RPA3: variants seen among roughly 807,000 people sequenced by gnomAD.
The protein encoded by RPA3 is replication protein A 14 kDa subunit.
Under a neutral mutation model 13.7 loss-of-function variants are expected in RPA3, and 24 were observed. The ratio of observed to expected loss-of-function variants is 1.75; its 90% confidence interval spans 1.27 to 2.46. RPA3 has a LOEUF of 2.46. Ranked by LOEUF, RPA3 falls within the 30% of genes most tolerant of loss-of-function variation. The pLI, the probability that RPA3 is intolerant of heterozygous loss-of-function variation, is 0.00. For missense variants in RPA3, 183 were observed against 151.0 expected (o/e 1.21, Z -1.11); for synonymous variants, 59 against 51.2 (o/e 1.15, Z -0.65).
intron 4 of RPA3, among the ~76,000 whole-genome samples, chr7:7,660,284 G>T (rs1270253743): frequency 6.6e-6 from 1 of 152,134 alleles, no homozygotes; most frequent in Non-Finnish European, 1.5e-5. Flanking sequence ...TTAATTGGGG[G>T]CATTTAGCCC....
At chr7:7,666,182 TTTTTTGTTTG>T (rs779077651) in intron 4 of RPA3, among the ~76,000 whole-genome samples, 6 of 109,162 alleles carry the variant, frequency 5.5e-5, no homozygotes, top group Non-Finnish European at 8.0e-5. Context: ...TGGGAAAGTG[TTTTTTGTTTG>T]TTTGTTTGTT....
chr7:7,683,816 T>C (rs1308522133), intron 4 of RPA3, among the ~76,000 whole-genome samples: 1 of 152,056 alleles, frequency 6.6e-6, no homozygotes, highest in Non-Finnish European at 1.5e-5. Context: ...AGAGACAGGG[T>C]TTCACCATGT....
At chr7:7,666,316 A>G (rs899335332) in intron 4 of RPA3, among the ~76,000 whole-genome samples, 1 of 151,738 alleles carries the variant, frequency 6.6e-6, no homozygotes, top group Admixed American at 6.6e-5. Context: ...CAATCCTCCC[A>G]TTTCAGCCTG....
chr7:7,693,904 C>G (rs961609146), intron 2 of RPA3, among the ~76,000 whole-genome samples: 2 of 152,054 alleles, frequency 1.3e-5, no homozygotes, highest in Non-Finnish European at 1.5e-5. Context: ...TTCATATTAT[C>G]TTAAAATGGC....
At chr7:7,642,501 G>A (rs181899046) in intron 4 of RPA3, among the ~76,000 whole-genome samples, 1 of 151,534 alleles carries the variant, frequency 6.6e-6, no homozygotes, top group African/African-American at 2.4e-5. Flanking sequence ...ACTCCTGTGA[G>A]TACCAGATGT....
At chr7:7,702,518 C>T (rs1780485568) in intron 2 of RPA3, among the ~76,000 whole-genome samples, 1 of 152,138 alleles carries the variant, frequency 6.6e-6, no homozygotes, top group South Asian at 2.1e-4. Context: ...TTCTTTTTCT[C>T]TAATACTTGA....
intron 4 of RPA3, among the ~76,000 whole-genome samples, chr7:7,684,989 T>C (rs569189983): frequency 1.4e-3 from 210 of 152,334 alleles, no homozygotes; most frequent in Non-Finnish European, 2.3e-3. Context: ...GCTTTACTAA[T>C]GCTGTAACTT....
At chr7:7,660,692 C>T (rs1563094552) in intron 4 of RPA3, among the ~76,000 whole-genome samples, 1 of 152,214 alleles carries the variant, frequency 6.6e-6, no homozygotes, top group Non-Finnish European at 1.5e-5. Flanking sequence ...ATGGACTTCC[C>T]TTTGTGGGTA....
intron 2 of RPA3, among the ~76,000 whole-genome samples, chr7:7,702,387 T>C (rs1219256404): frequency 6.6e-6 from 1 of 152,194 alleles, no homozygotes; most frequent in Non-Finnish European, 1.5e-5. Flanking sequence ...TATTATCTCT[T>C]ATTTTTTAAA....
chr7:7,708,907 GTGTGTT>G (rs1297453041), intron 2 of RPA3, among the ~76,000 whole-genome samples: 1 of 151,960 alleles, frequency 6.6e-6, no homozygotes, highest in Non-Finnish European at 1.5e-5. Context: ...AGCAAGGGGT[GTGTGTT>G]TGTGTTTGTG....
At chr7:7,658,742 T>C (rs1052489370) in intron 4 of RPA3, among the ~76,000 whole-genome samples, 3 of 152,236 alleles carry the variant, frequency 2.0e-5, no homozygotes, top group African/African-American at 7.2e-5. Context: ...TTTGCATCGA[T>C]ATTCATCAGG....
intron 2 of RPA3, among the ~76,000 whole-genome samples, chr7:7,688,309 G>C (rs570597862): frequency 5.3e-5 from 8 of 152,202 alleles, no homozygotes; most frequent in African/African-American, 1.9e-4. Flanking sequence ...TTGTCAGGTG[G>C]GGCATATCTC....
intron 4 of RPA3, among the ~76,000 whole-genome samples, chr7:7,676,930 T>C (rs1779756298): frequency 7.2e-5 from 11 of 152,144 alleles, no homozygotes; most frequent in Admixed American, 7.2e-4. Context: ...TAGGTTTCTC[T>C]TTTTATTATA....
chr7:7,645,875 G>A (rs1331751298), intron 4 of RPA3, among the ~76,000 whole-genome samples: 1 of 146,544 alleles, frequency 6.8e-6, no homozygotes, highest in Non-Finnish European at 1.5e-5. Context: ...TTCCTTTTTT[G>A]TATAGTCCTT....
chr7:7,672,237 C>G (rs1779624411), intron 4 of RPA3, among the ~76,000 whole-genome samples: 1 of 152,182 alleles, frequency 6.6e-6, no homozygotes, highest in African/African-American at 2.4e-5. Flanking sequence ...GAACTGTCCT[C>G]AGAATCCTAT....
At chr7:7,696,800 C>T (rs1462164376) in intron 2 of RPA3, among the ~76,000 whole-genome samples, 2 of 152,168 alleles carry the variant, frequency 1.3e-5, no homozygotes, top group African/African-American at 4.8e-5. Flanking sequence ...CCTGTGAAAC[C>T]ACACTAACAT....
intron 1 of RPA3, among the ~76,000 whole-genome samples, chr7:7,716,383 C>T (rs1333406016): frequency 6.6e-6 from 1 of 152,186 alleles, no homozygotes; most frequent in African/African-American, 2.4e-5. Flanking sequence ...GCAAGGTTTC[C>T]TTTTAAATAA....
At chr7:7,637,223 T>C (rs989674136) in intron 7 of RPA3, 141 bp from the exon 8 acceptor site, 4 of 650,964 alleles carry the variant, frequency 6.1e-6, no homozygotes, top group African/African-American at 5.5e-5. Context: ...GATTATGGAT[T>C]CTTGTATTTA....
intron 7 of RPA3, among the ~76,000 whole-genome samples, chr7:7,637,634 T>C (rs1036969504): frequency 1.3e-5 from 2 of 150,964 alleles, no homozygotes; most frequent in Non-Finnish European, 3.0e-5. Context: ...ATTTTGTATG[T>C]AATACAAAAT....
Sources: gnomAD v4.1 joint callset for allele counts (sites outside exome capture counted in the v4.1 genomes callset) on GRCh38, gnomAD v4.1.1 for gene constraint, MANE v1.5 for transcripts, NCBI Gene and HGNC (gene_info 2026-07-23, HGNC 2026-07-21) for gene names.